GALNTL6: variants seen among roughly 807,000 people sequenced by gnomAD.
GALNTL6 encodes the protein polypeptide N-acetylgalactosaminyltransferase like 6.
In GALNTL6, 46 loss-of-function variants were observed where a neutral mutation model predicts 73.7. The observed-to-expected ratio is 0.62, with a 90% CI of 0.49 to 0.80. The LOEUF is 0.80. Ranked by LOEUF, GALNTL6 falls within the 30% of genes least tolerant of loss-of-function variation. The probability of loss-of-function intolerance (pLI) is 0.00; values close to 1 mark genes in which losing one functional copy is unlikely to be tolerated. For missense variants in GALNTL6, 604 were observed against 755.0 expected, an observed-to-expected ratio of 0.80 and a Z score of 2.34; for synonymous variants, 259 against 263.7, an observed-to-expected ratio of 0.98 and a Z score of 0.17.
At chr4:172,015,553 G>A (rs1741163604) in intron 2 of GALNTL6, among the ~76,000 whole-genome samples, 2 of 152,048 alleles carry the variant, frequency 1.3e-5, no homozygotes, top group East Asian at 1.9e-4. Flanking sequence ...TTTAATGTTT[G>A]TTTTGAGATG....
At chr4:172,836,375 C>T (rs188216724) in intron 7 of GALNTL6, among the ~76,000 whole-genome samples, 1 of 152,230 alleles carries the variant, frequency 6.6e-6, no homozygotes, top group Admixed American at 6.5e-5. Context: ...CCACAGATGT[C>T]ATTACCTGGG....
intron 2 of GALNTL6, among the ~76,000 whole-genome samples, chr4:172,012,180 T>G (rs1044954593): frequency 9.2e-5 from 14 of 152,122 alleles, no homozygotes; most frequent in Non-Finnish European, 1.9e-4. Flanking sequence ...CGTAGGGACT[T>G]GCTCCTTTGT....
chr4:172,749,285 AC>A (rs1315928350), intron 5 of GALNTL6, among the ~76,000 whole-genome samples: 2 of 151,982 alleles, frequency 1.3e-5, no homozygotes, highest in Middle Eastern at 3.4e-3. Context: ...ATCCTTATAC[AC>A]CCCTAATCTT....
chr4:172,320,145 C>A (rs1190436098), intron 4 of GALNTL6, among the ~76,000 whole-genome samples: 1 of 152,106 alleles, frequency 6.6e-6, no homozygotes, highest in East Asian at 1.9e-4. Flanking sequence ...TTCCTCTTAG[C>A]CACCACACAT....
At position 172,689,975 on chromosome 4, in the gene GALNTL6, T is replaced by A. The variant is rs572217689; in HGVS notation, c.554-119386T>A. ...AGGTATCCAAATTTGAGGAAAAAAA[T>A]TACAAATTAACTTCAGAGGTATAAG... On this transcript the variant is annotated intron_variant, in intron 5 of 12. Transcript: ENST00000506823. Among the ~76,000 whole-genome samples the A allele has an allele frequency of 3.3e-5, 5 of 151,970 alleles. No homozygotes were observed. In the East Asian group the frequency reaches 5.8e-4, roughly 18 times the overall value.
At chr4:171,832,290 C>A (rs1442059707) in intron 2 of GALNTL6, among the ~76,000 whole-genome samples, 1 of 147,624 alleles carries the variant, frequency 6.8e-6, no homozygotes, top group Non-Finnish European at 1.5e-5. Context: ...TATATGTTTT[C>A]AGTCTTTTAA....
At chr4:172,033,684 C>G (rs1270303957) in intron 2 of GALNTL6, among the ~76,000 whole-genome samples, 2 of 152,000 alleles carry the variant, frequency 1.3e-5, no homozygotes, top group South Asian at 2.1e-4. Flanking sequence ...CATCAATTGT[C>G]CATGAATAAA....
chr4:172,657,192 T>C (rs1413933050), intron 5 of GALNTL6, among the ~76,000 whole-genome samples: 1 of 152,224 alleles, frequency 6.6e-6, no homozygotes, highest in African/African-American at 2.4e-5. Flanking sequence ...AGCTTCATGA[T>C]ACTTTCTTGA....
intron 9 of GALNTL6, among the ~76,000 whole-genome samples, chr4:172,940,118 G>GA (rs1252695991): frequency 2.7e-5 from 4 of 147,718 alleles, no homozygotes; most frequent in East Asian, 2.0e-4. Flanking sequence ...CAAGTATCAT[G>GA]AAAAAAATAT....
At chr4:172,450,349 T>G (rs184751805) in intron 5 of GALNTL6, among the ~76,000 whole-genome samples, 1 of 152,182 alleles carries the variant, frequency 6.6e-6, no homozygotes, top group Non-Finnish European at 1.5e-5. Context: ...ATCCTTCATC[T>G]CATTCTTTTT....
At chr4:171,862,559 A>C (rs1309000814) in intron 2 of GALNTL6, among the ~76,000 whole-genome samples, 1 of 152,134 alleles carries the variant, frequency 6.6e-6, no homozygotes, top group Non-Finnish European at 1.5e-5. Context: ...CTAGCATCTT[A>C]CTTAAGGAGA....
intron 2 of GALNTL6, among the ~76,000 whole-genome samples, chr4:172,105,077 T>C (rs1732639066): frequency 6.6e-6 from 1 of 152,018 alleles, no homozygotes; most frequent in South Asian, 2.1e-4. Context: ...AAATGAAATT[T>C]AAATGTTCAA....
At chr4:172,958,561 T>A (rs1749870932) in intron 10 of GALNTL6, among the ~76,000 whole-genome samples, 1 of 152,196 alleles carries the variant, frequency 6.6e-6, no homozygotes. Flanking sequence ...TATCCAACCA[T>A]GCCTAAGAAG....
At chr4:172,281,270 G>C (rs1399906209) in intron 3 of GALNTL6, among the ~76,000 whole-genome samples, 4 of 152,202 alleles carry the variant, frequency 2.6e-5, no homozygotes, top group African/African-American at 9.7e-5. Flanking sequence ...GAAGGCTCTA[G>C]AGGAAAATGT....
At chr4:172,303,773 G>C (rs1329649085) in intron 3 of GALNTL6, among the ~76,000 whole-genome samples, 1 of 152,038 alleles carries the variant, frequency 6.6e-6, no homozygotes, top group Non-Finnish European at 1.5e-5. Flanking sequence ...CTCTAAGCTT[G>C]TTTATCTTAC....
intron 8 of GALNTL6, among the ~76,000 whole-genome samples, chr4:172,894,912 T>C (rs985786893): frequency 1.8e-4 from 27 of 152,102 alleles, no homozygotes; most frequent in African/African-American, 6.5e-4. Flanking sequence ...TCTTGCTGAA[T>C]TGATCTCTTT....
chr4:172,715,105 A>T (rs916372404), intron 5 of GALNTL6, among the ~76,000 whole-genome samples: 3 of 152,194 alleles, frequency 2.0e-5, no homozygotes, highest in African/African-American at 4.8e-5. Context: ...AACAAAAAAA[A>T]ATGGTGTATC....
intron 2 of GALNTL6, among the ~76,000 whole-genome samples, chr4:172,066,966 TC>T (rs758163547): frequency 1.3e-5 from 2 of 152,082 alleles, no homozygotes; most frequent in Non-Finnish European, 2.9e-5. Flanking sequence ...CCCTGGGCTA[TC>T]CATGAACGTG....
chr4:172,030,702 T>C (rs1741739837), intron 2 of GALNTL6, among the ~76,000 whole-genome samples: 1 of 151,920 alleles, frequency 6.6e-6, no homozygotes. Flanking sequence ...ACAGCTAGAC[T>C]CTGTCTCCAA....
Sources: gnomAD v4.1 joint callset for allele counts (sites outside exome capture counted in the v4.1 genomes callset) on GRCh38, gnomAD v4.1.1 for gene constraint, MANE v1.5 for transcripts, NCBI Gene and HGNC (gene_info 2026-07-23, HGNC 2026-07-21) for gene names.